The following AMZ1 variants were observed in gnomAD, a reference collection of about 807,000 sequenced individuals.
AMZ1 encodes archaemetzincin-1.
AMZ1 carries 39 observed loss-of-function variants against 29.9 expected under a neutral mutation model. The observed-to-expected ratio is 1.30, with a 90% CI of 1.01 to 1.70. The LOEUF (loss-of-function observed/expected upper bound fraction) is 1.70, where lower values mean the gene tolerates loss of function less well. Among genes scored for constraint, AMZ1 ranks in the 40% most tolerant of loss-of-function variants. The probability of loss-of-function intolerance (pLI) is 0.00; values close to 1 mark genes in which losing one functional copy is unlikely to be tolerated. For synonymous variants in AMZ1, 458 were observed against 304.0 expected (o/e 1.51, Z -5.27); for missense variants, 1,041 against 680.6 (o/e 1.53, Z -5.89).
At chr7:2,711,997 A>ACTCCT (rs1788810147) in intron 6 of AMZ1, among the ~76,000 whole-genome samples, 1 of 152,200 alleles carries the variant, frequency 6.6e-6, no homozygotes, top group Admixed American at 6.5e-5. Flanking sequence ...CAGTGAGCTG[A>ACTCCT]GATCGCAGCA....
chr7:2,754,321 T>C (rs1007914056), intron 4 of AMZ1, among the ~76,000 whole-genome samples: 3 of 152,132 alleles, frequency 2.0e-5, no homozygotes, highest in Non-Finnish European at 2.9e-5. Flanking sequence ...TATTTTCTGT[T>C]TGGATTGTTT....
At chr7:2,739,451 G>C (rs1327214946) in intron 4 of AMZ1, among the ~76,000 whole-genome samples, 2 of 152,064 alleles carry the variant, frequency 1.3e-5, no homozygotes, top group African/African-American at 2.4e-5. Flanking sequence ...TGTGGCACAG[G>C]CCAGTGCAAC....
At chr7:2,762,565 C>T (rs1791612314), upstream of AMZ1, 3 of 1,438,200 alleles carry the variant, frequency 2.1e-6, no homozygotes, top group African/African-American at 1.4e-5. Flanking sequence ...GATCCAATGA[C>T]ATTTCCTGAA....
exon 1 of AMZ1, chr7:2,764,851 G>A (rs1177508082): frequency 2.0e-5 from 3 of 152,158 alleles, no homozygotes; most frequent in Admixed American, 6.5e-5. Flanking sequence ...GCGCCGCCTC[G>A]TCCTCTTAGT....
intron 1 of AMZ1, among the ~76,000 whole-genome samples, chr7:2,699,937 TG>T (rs1403884512): frequency 6.6e-6 from 1 of 152,016 alleles, no homozygotes; most frequent in African/African-American, 2.4e-5. Context: ...CCCTGCCGAG[TG>T]GGAGGTACTT....
intron 1 of AMZ1, among the ~76,000 whole-genome samples, chr7:2,682,934 A>C (rs1786938289): frequency 6.6e-6 from 1 of 152,162 alleles, no homozygotes; most frequent in South Asian, 2.1e-4. Context: ...TGTGCGGTGA[A>C]GCCAGCCTCA....
intron 4 of AMZ1, among the ~76,000 whole-genome samples, chr7:2,739,698 G>A (rs1207767701): frequency 6.6e-6 from 1 of 152,062 alleles, no homozygotes; most frequent in Non-Finnish European, 1.5e-5. Context: ...ATTTTAAAAT[G>A]GAGTCTCGCC....
chr7:2,734,079 G>C (rs1264295634), intron 4 of AMZ1, among the ~76,000 whole-genome samples: 1 of 152,198 alleles, frequency 6.6e-6, no homozygotes, highest in Non-Finnish European at 1.5e-5. Context: ...GATTGTTGTG[G>C]TGGAATGATG....
intron 4 of AMZ1, among the ~76,000 whole-genome samples, chr7:2,740,186 T>A (rs918437402): frequency 6.6e-6 from 1 of 152,202 alleles, no homozygotes; most frequent in Non-Finnish European, 1.5e-5. Flanking sequence ...TTTTCTGGCA[T>A]TTCCTGGTGA....
intron 1 of AMZ1, among the ~76,000 whole-genome samples, chr7:2,699,933 C>T (rs754127619): frequency 9.2e-5 from 14 of 152,100 alleles, no homozygotes; most frequent in Admixed American, 5.2e-4. Context: ...CTGCCCCTGC[C>T]GAGTGGGAGG....
chr7:2,687,713 G>C (rs1554244473), upstream of AMZ1, among the ~76,000 whole-genome samples: 1 of 151,922 alleles, frequency 6.6e-6, no homozygotes, highest in Admixed American at 6.6e-5. Flanking sequence ...CTGGGGCTTC[G>C]CTGATAAGCC....
rs2115192330 is a variant in AMZ1, at chr7:2,713,162, A to C, written c.*284A>C. 1.0e-5 allele frequency: 3 copies of C among 294,246 alleles called. No homozygotes were observed. The East Asian group carries it at 1.7e-4, about 17-fold the overall frequency. 18.2% of individuals were successfully genotyped at this position (294,246 alleles called of 1,614,324 possible). On this transcript the variant is annotated 3_prime_UTR_variant, in exon 7 of 7. Transcript: ENST00000683327. ...GAGGCTGAGGTGGGAGGATTGCTTG[A>C]GCCTAGGAGGTCGAGGCTGCAGTGG...
At chr7:2,737,433 C>T (rs959207522) in intron 4 of AMZ1, among the ~76,000 whole-genome samples, 8 of 151,846 alleles carry the variant, frequency 5.3e-5, no homozygotes, top group East Asian at 1.9e-4. Flanking sequence ...GGACTACAGG[C>T]GTGCACTACC....
chr7:2,709,036 C>G (rs1204528727), intron 4 of AMZ1, 39 bp from the exon 5 acceptor site: 1 of 1,530,564 alleles, frequency 6.5e-7, no homozygotes, highest in African/African-American at 1.4e-5. Context: ...AGAGCCAAGG[C>G]TGACCCCTGA....
intron 3 of AMZ1, among the ~76,000 whole-genome samples, 153 bp downstream of exon 3, chr7:2,703,042 C>T (rs143674101): frequency 9.8e-5 from 15 of 152,324 alleles, no homozygotes; most frequent in Admixed American, 2.0e-4. Flanking sequence ...AGGACCAAGC[C>T]GGAGAGCTCC....
chr7:2,733,434 C>G (rs201231355), intron 4 of AMZ1: 3 of 1,610,748 alleles, frequency 1.9e-6, no homozygotes, highest in African/African-American at 2.7e-5. Context: ...CTTCTTCGGG[C>G]GGGCGTGCTT....
At chr7:2,707,801 G>A (rs1275075601) in intron 3 of AMZ1, among the ~76,000 whole-genome samples, 2 of 144,806 alleles carry the variant, frequency 1.4e-5, no homozygotes, top group African/African-American at 5.2e-5. Flanking sequence ...CAGACCCCCT[G>A]CTGCCTCTAA....
At chr7:2,741,871 T>C (rs1310639198) in intron 4 of AMZ1, among the ~76,000 whole-genome samples, 1 of 150,484 alleles carries the variant, frequency 6.6e-6, no homozygotes, top group Non-Finnish European at 1.5e-5. Context: ...TGTCTCATAA[T>C]TACCACGTAT....
Position 2,708,924 on chromosome 7 carries a change from C to G in AMZ1, c.602-151C>G, listed in dbSNP as rs920843465. Reference sequence around the variant, plus strand: ...TCAGCTGTGGCGTCTGCCCCAGGGCCCAACTTCATGTGGGCAGGACAGGGC... The same window carrying G: ...TCAGCTGTGGCGTCTGCCCCAGGGCGCAACTTCATGTGGGCAGGACAGGGC... On this transcript the variant is annotated intron_variant, in intron 4 of 6. Coordinates refer to ENST00000683327, the MANE Select transcript of AMZ1 (RefSeq NM_001384743.1). 14 of 1,271,688 alleles carry G rather than the reference C, an allele frequency of 1.1e-5. No homozygotes were observed. The Middle Eastern group carries it at 8.5e-4, about 77-fold the overall frequency. The allele number at this position is 1,271,688 out of a possible 1,614,324, so 78.8% of individuals were successfully genotyped here.
Sources: allele counts gnomAD v4.1 joint callset (sites outside exome capture counted in the v4.1 genomes callset), GRCh38; gene constraint gnomAD v4.1.1; transcripts MANE v1.5; gene names NCBI Gene and HGNC (gene_info 2026-07-23, HGNC 2026-07-21).